Variants in ABCA13 observed in about 807,000 individuals in gnomAD.
The protein encoded by ABCA13 is ATP-binding cassette sub-family A member 13.
ABCA13 carries 476 observed loss-of-function variants against 478.7 expected under a neutral mutation model. The observed-to-expected ratio is 0.99, with a 90% CI of 0.92 to 1.07. The LOEUF is 1.07. Among genes scored for constraint, ABCA13 ranks in the 50% least tolerant of loss-of-function variants. The pLI is 0.00. For synonymous variants in ABCA13, 2,252 were observed against 2,158.9 expected (o/e 1.04, Z -1.20); for missense variants, 6,060 against 5,910.6 (o/e 1.03, Z -0.83).
intron 45 of ABCA13, among the ~76,000 whole-genome samples, chr7:48,473,679 C>T (rs1276245819): frequency 6.6e-6 from 1 of 152,112 alleles, no homozygotes; most frequent in Non-Finnish European, 1.5e-5. Context: ...GTCCATATAG[C>T]GAGCTGCTTA....
chr7:48,376,245 C>G (rs1813463080), intron 34 of ABCA13, among the ~76,000 whole-genome samples, 196 bp from the exon 35 acceptor site: 1 of 152,142 alleles, frequency 6.6e-6, no homozygotes, highest in Non-Finnish European at 1.5e-5. Context: ...ATCCCCCCAC[C>G]TGATATCATT....
At chr7:48,385,767 C>T (rs891132082) in intron 35 of ABCA13, among the ~76,000 whole-genome samples, 5 of 152,192 alleles carry the variant, frequency 3.3e-5, no homozygotes, top group African/African-American at 1.2e-4. Flanking sequence ...CTAATTTACA[C>T]TCCCACCAAC....
chr7:48,489,151 T>TA, intron 47 of ABCA13, 85 bp from the exon 48 acceptor site: 6 of 1,132,600 alleles, frequency 5.3e-6, no homozygotes, highest in Non-Finnish European at 6.4e-6. Flanking sequence ...AATTGACACA[T>TA]ACGTTCCTTA....
At chr7:48,250,373 G>T (rs1252101897) in intron 15 of ABCA13, among the ~76,000 whole-genome samples, 2 of 152,142 alleles carry the variant, frequency 1.3e-5, no homozygotes, top group African/African-American at 2.4e-5. Context: ...CCTACCTAGA[G>T]GTTAGAAGGC....
At chr7:48,365,457 T>C (rs549997914) in intron 31 of ABCA13, among the ~76,000 whole-genome samples, 4 of 152,198 alleles carry the variant, frequency 2.6e-5, no homozygotes, top group Non-Finnish European at 5.9e-5. Context: ...TTGTTGTCTG[T>C]GCTTTTGAGG....
chr7:48,345,467 G>A (rs1459621957), intron 29 of ABCA13, among the ~76,000 whole-genome samples: 5 of 152,058 alleles, frequency 3.3e-5, no homozygotes, highest in Non-Finnish European at 5.9e-5. Context: ...TGATGATAAT[G>A]ACCCTGTGTA....
chr7:48,451,073 C>G (rs1354537944), intron 42 of ABCA13, among the ~76,000 whole-genome samples: 2 of 149,304 alleles, frequency 1.3e-5, no homozygotes, highest in African/African-American at 4.9e-5. Context: ...TCTTGGCTCA[C>G]TGCAACCTCC....
chr7:48,500,763 C>A (rs1215247269), intron 48 of ABCA13, among the ~76,000 whole-genome samples: 3 of 152,184 alleles, frequency 2.0e-5, no homozygotes, highest in African/African-American at 7.2e-5. Context: ...TAGGACTGTA[C>A]TTTCCTTGCA....
At chr7:48,550,745 G>A (rs775565058) in intron 55 of ABCA13, among the ~76,000 whole-genome samples, 3 of 150,910 alleles carry the variant, frequency 2.0e-5, no homozygotes, top group African/African-American at 4.9e-5. Flanking sequence ...CCATCCGTCT[G>A]TCCATCCATC....
intron 39 of ABCA13, 61 bp from the exon 40 acceptor site, chr7:48,410,459 G>C (rs1180417367): frequency 6.3e-7 from 1 of 1,592,276 alleles, no homozygotes; most frequent in Non-Finnish European, 8.6e-7. Flanking sequence ...GAGGAAAGGA[G>C]GGAAGGTCCT....
chr7:48,280,184 C>T (rs1438060880), intron 18 of ABCA13, among the ~76,000 whole-genome samples: 1 of 152,100 alleles, frequency 6.6e-6, no homozygotes, highest in Non-Finnish European at 1.5e-5. Flanking sequence ...AAGCAAAAAC[C>T]TCTTATTCTA....
chr7:48,191,322 T>C (rs989890904), intron 1 of ABCA13, among the ~76,000 whole-genome samples: 1 of 152,264 alleles, frequency 6.6e-6, no homozygotes, highest in Admixed American at 6.5e-5. Context: ...TTCAGGACTG[T>C]GTCAGAGAAC....
chr7:48,386,649 T>G (rs1158262032), intron 35 of ABCA13, among the ~76,000 whole-genome samples: 1 of 152,176 alleles, frequency 6.6e-6, no homozygotes, highest in Non-Finnish European at 1.5e-5. Flanking sequence ...ATTTTATATT[T>G]AATAAATGGT....
rs201358823 is a variant in ABCA13, at chr7:48,287,944, G to A, written c.8837-16G>A. On this transcript the variant is annotated splice_polypyrimidine_tract_variant and intron_variant, in intron 19 of 61. Coordinates refer to ENST00000435803, the MANE Select transcript of ABCA13 (RefSeq NM_152701.5). ...GACTGTCTATTAATTATTTCTCTGT[G>A]TGTTTCCTCTGGCAGAAAACCCTTC... The A allele has an allele frequency of 6.6e-5, 106 of 1,600,112 alleles. No individual in the cohort carries two copies. The African/African-American group carries it at 1.2e-3, about 19-fold the overall frequency.
At position 48,239,307 on chromosome 7, in the gene ABCA13, G is replaced by A. The variant is rs1406500296; in HGVS notation, c.964G>A (p.Ala322Thr). The A allele has an allele frequency of 6.2e-6, 10 of 1,613,870 alleles. No homozygotes were observed. Among genetic ancestry groups the A allele is most frequent in the Non-Finnish European group, 8.5e-6 (10 of 1,179,882 alleles). The stretch of plus-strand genomic sequence containing the variant: ...CTTGTCTAGCACATCAGAGGATGAA[G>A]CTGAGAAATGGGGCCACGTTGGAGG... ...SVLSSTSEDE[A>T]EKWGHVGGCH... Residue 322 changes from alanine (A) to threonine (T), a missense_variant, in exon 9 of 62, where the codon GCT (alanine) becomes ACT (threonine). Transcript: ENST00000435803.
chr7:48,362,755 A>G (rs566179711), intron 31 of ABCA13, among the ~76,000 whole-genome samples: 450 of 152,048 alleles, frequency 3.0e-3, no homozygotes, highest in Non-Finnish European at 3.0e-3. Context: ...AACTTAAAAT[A>G]TGTTCTCTTA....
intron 14 of ABCA13, 138 bp from the exon 15 acceptor site, chr7:48,249,074 T>C: frequency 1.4e-6 from 1 of 713,870 alleles, no homozygotes; most frequent in South Asian, 2.6e-5. Context: ...AGTAGAACTA[T>C]TTGAAAGATT....
At chr7:48,282,470 G>A (rs577637863) in intron 19 of ABCA13, among the ~76,000 whole-genome samples, 8 of 152,158 alleles carry the variant, frequency 5.3e-5, no homozygotes, top group East Asian at 1.9e-4. Flanking sequence ...AACATGAATC[G>A]AAGCCCAGAA....
Position 48,272,626 on chromosome 7 carries a change from T to C in ABCA13, c.2960T>C (p.Phe987Ser). The C allele has an allele frequency of 6.2e-7, 1 of 1,613,242 alleles. No homozygotes were observed. Among genetic ancestry groups the C allele is most frequent in the Non-Finnish European group, 8.5e-7 (1 of 1,179,440 alleles). The change falls in exon 17 of 62, where the codon TTC (phenylalanine) becomes TCC (serine). Residue 987 changes from phenylalanine (F) to serine (S), a missense_variant. This residue lies in a region of ABCA13 where 4,423 missense variants were observed against 4,309.1 expected (regional missense o/e 1.03). Transcript: ENST00000435803. ...CAGAGTAGAGGCTCTTCGTTGACTT[T>C]CCTTACACAAATCTCAAAACACATT... ...NIQSRGSSLT[F>S]LTQISKHILD...
Sources: allele counts gnomAD v4.1 joint callset (sites outside exome capture counted in the v4.1 genomes callset), GRCh38; gene constraint gnomAD v4.1.1; regional missense constraint gnomAD v4.1.1; transcripts MANE v1.5; gene names NCBI Gene and HGNC (gene_info 2026-07-23, HGNC 2026-07-21).